FHIT: variants seen among roughly 807,000 people sequenced by gnomAD.
FHIT encodes the protein bis(5'-adenosyl)-triphosphatase.
A neutral mutation model predicts 17.9 loss-of-function variants in FHIT; 19 were observed. That is an observed-to-expected ratio of 1.06 (90% CI 0.74 to 1.56). The LOEUF is 1.56. Ranked by LOEUF, FHIT falls within the 40% of genes most tolerant of loss-of-function variation. FHIT has a pLI of 0.00. For missense variants in FHIT, 248 were observed against 189.2 expected (o/e 1.31, Z -1.82); for synonymous variants, 81 against 69.7 (o/e 1.16, Z -0.81).
chr3:60,894,586 A>T (rs1240005071), intron 3 of FHIT, among the ~76,000 whole-genome samples: 1 of 152,164 alleles, frequency 6.6e-6, no homozygotes, highest in Non-Finnish European at 1.5e-5. Flanking sequence ...GGCCAAGTGC[A>T]GTCACTGCAT....
At chr3:61,021,360 G>A (rs1406164571) in intron 3 of FHIT, among the ~76,000 whole-genome samples, 14 of 151,622 alleles carry the variant, frequency 9.2e-5, no homozygotes, top group Admixed American at 8.6e-4. Flanking sequence ...AGCACTTTGG[G>A]AGGCCGAGGC....
chr3:60,122,099 A>C (rs1052310711), intron 5 of FHIT, among the ~76,000 whole-genome samples: 1 of 148,406 alleles, frequency 6.7e-6, no homozygotes, highest in Non-Finnish European at 1.5e-5. Context: ...TCTTCAGAAG[A>C]GAAATTGCAA....
intron 2 of FHIT, among the ~76,000 whole-genome samples, chr3:61,163,324 A>G (rs976334986): frequency 6.6e-6 from 1 of 152,184 alleles, no homozygotes; most frequent in Non-Finnish European, 1.5e-5. Context: ...TTTTCTGACT[A>G]ATGTCTCTTT....
chr3:60,531,447 T>G (rs1176663455), intron 5 of FHIT, among the ~76,000 whole-genome samples: 1 of 151,698 alleles, frequency 6.6e-6, no homozygotes, highest in Non-Finnish European at 1.5e-5. Flanking sequence ...CCCGGCTAAT[T>G]TTTTGTATTT....
chr3:60,024,877 G>T (rs906650959), intron 5 of FHIT, among the ~76,000 whole-genome samples: 4 of 152,208 alleles, frequency 2.6e-5, no homozygotes, highest in Non-Finnish European at 5.9e-5. Flanking sequence ...GAGTGGAGAT[G>T]TATGACAGAT....
chr3:60,136,748 G>T (rs749531673), intron 5 of FHIT, among the ~76,000 whole-genome samples: 1 of 152,138 alleles, frequency 6.6e-6, no homozygotes, highest in Non-Finnish European at 1.5e-5. Flanking sequence ...ATGAGTTGGG[G>T]GCTATCCAGC....
At chr3:59,802,361 G>C (rs773750876) in intron 8 of FHIT, among the ~76,000 whole-genome samples, 4 of 152,148 alleles carry the variant, frequency 2.6e-5, no homozygotes, top group Non-Finnish European at 5.9e-5. Flanking sequence ...TCAGGCCTCT[G>C]AGCCCAAGCT....
intron 4 of FHIT, among the ~76,000 whole-genome samples, chr3:60,772,860 C>T (rs1283073850): frequency 2.6e-5 from 4 of 152,174 alleles, no homozygotes; most frequent in Admixed American, 2.0e-4. Context: ...CTGATGGTTC[C>T]TCTGGCCAGA....
intron 5 of FHIT, among the ~76,000 whole-genome samples, chr3:60,035,059 G>C (rs1287958867): frequency 6.6e-6 from 1 of 152,086 alleles, no homozygotes; most frequent in African/African-American, 2.4e-5. Flanking sequence ...ATAACACAGA[G>C]CACTGAATAT....
intron 4 of FHIT, among the ~76,000 whole-genome samples, chr3:60,574,912 G>A (rs896564480): frequency 6.6e-6 from 1 of 150,972 alleles, no homozygotes; most frequent in Non-Finnish European, 1.5e-5. Flanking sequence ...TTTGCACACT[G>A]TGTTCCCCTT....
intron 4 of FHIT, among the ~76,000 whole-genome samples, chr3:60,557,342 G>A (rs1397550961): frequency 6.6e-6 from 1 of 151,964 alleles, no homozygotes; most frequent in South Asian, 2.1e-4. Context: ...CTTTTTTCAT[G>A]TAAATGATCA....
intron 9 of FHIT, chr3:59,750,706 T>C (rs1236156567): frequency 9.3e-6 from 2 of 215,716 alleles, no homozygotes; most frequent in African/African-American, 2.3e-5. Flanking sequence ...GGGGGCAAGG[T>C]AGTCTGGGTC....
At chr3:59,957,296 G>A (rs1011773802) in intron 7 of FHIT, among the ~76,000 whole-genome samples, 3 of 152,224 alleles carry the variant, frequency 2.0e-5, no homozygotes, top group Non-Finnish European at 4.4e-5. Context: ...CCAGGGGTGT[G>A]CATTCGAGAG....
At chr3:60,027,955 GTTTTAA>G (rs1054227449) in intron 5 of FHIT, among the ~76,000 whole-genome samples, 7 of 151,982 alleles carry the variant, frequency 4.6e-5, no homozygotes, top group Admixed American at 1.3e-4. Context: ...ATTGCATTTT[GTTTTAA>G]TTTTAATTTT....
intron 5 of FHIT, among the ~76,000 whole-genome samples, chr3:60,169,173 C>T (rs914679549): frequency 1.3e-5 from 2 of 152,160 alleles, no homozygotes; most frequent in African/African-American, 2.4e-5. Flanking sequence ...CGTGCCAATA[C>T]GTCAATCCAC....
rs1468040878 is a variant in FHIT, at chr3:60,455,308, G to A, written c.103+81552C>T. Reference sequence around the variant, plus strand: ...TTCTAGTCAATGTCTTAGATAACAAGGGCCCTCATCCATTATTAGACTTTG... The same window carrying A: ...TTCTAGTCAATGTCTTAGATAACAAAGGCCCTCATCCATTATTAGACTTTG... On this transcript the variant is annotated intron_variant, in intron 5 of 9. Coordinates refer to ENST00000492590, the MANE Select transcript of FHIT (RefSeq NM_002012.4). Among the ~76,000 whole-genome samples the A allele has an allele frequency of 2.0e-5, 3 of 152,160 alleles. No homozygotes were observed. In the East Asian group the frequency reaches 5.8e-4, roughly 30 times the overall value.
chr3:60,390,354 G>C (rs1701170914), intron 5 of FHIT, among the ~76,000 whole-genome samples: 1 of 122,018 alleles, frequency 8.2e-6, no homozygotes, highest in South Asian at 2.8e-4. Flanking sequence ...AATAATGACA[G>C]ATTACATAGA....
At chr3:59,915,373 G>A (rs146708137) in intron 8 of FHIT, among the ~76,000 whole-genome samples, 10 of 152,278 alleles carry the variant, frequency 6.6e-5, no homozygotes, top group East Asian at 3.9e-4. Flanking sequence ...ACTAACATGC[G>A]ATTGAACGTA....
At chr3:60,112,851 T>A (rs1704737820) in intron 5 of FHIT, among the ~76,000 whole-genome samples, 2 of 152,004 alleles carry the variant, frequency 1.3e-5, no homozygotes, top group African/African-American at 2.4e-5. Context: ...AAGAAAAAAA[T>A]CTCTTTCCTG....
Sources: allele counts gnomAD v4.1 joint callset (sites outside exome capture counted in the v4.1 genomes callset), GRCh38; gene constraint gnomAD v4.1.1; transcripts MANE v1.5; gene names NCBI Gene and HGNC (gene_info 2026-07-23, HGNC 2026-07-21).